Variants in PLBD1 observed in about 807,000 individuals in gnomAD.
The protein encoded by PLBD1 is lysosomal leucine aminopeptidase.
PLBD1 carries 60 observed loss-of-function variants against 63.0 expected under a neutral mutation model. The observed-to-expected ratio is 0.95, with a 90% CI of 0.77 to 1.18. The LOEUF (loss-of-function observed/expected upper bound fraction) is 1.18, where lower values mean the gene tolerates loss of function less well. PLBD1 is among the 50% of genes most tolerant of loss of function. The pLI is 0.00. For missense variants in PLBD1, 598 were observed against 677.9 expected (o/e 0.88, Z 1.31); for synonymous variants, 262 against 248.0 (o/e 1.06, Z -0.53).
rs147309855 is a variant in PLBD1 at position 14,510,871 on chromosome 12, A to G, written c.1186+389T>C. On this transcript the variant is annotated intron_variant, in intron 8 of 10. Transcript: ENST00000240617. ...GCTGCTTTGAGTGCTTTGCTTCCCT[A>G]CTAGACTCCTGAGTCCTTCCAGGTC... Among the ~76,000 whole-genome samples the G allele has an allele frequency of 9.7e-3, 1,476 of 152,180 alleles. 9 individuals are homozygous for G. The highest frequency in any genetic ancestry group is 0.015 in the Non-Finnish European group (1,041 of 67,998).
In PLBD1 at chr12:14,506,184, G is replaced by A. The variant is rs1945253883; in HGVS notation, c.1457C>T (p.Pro486Leu). The change falls in exon 10 of 11, where the codon CCT (proline) becomes CTT (leucine). Residue 486 changes from proline to leucine, a missense_variant. By Grantham distance (98) the Pro-to-Leu change is moderately conservative. Transcript: ENST00000240617. ...REDLNSPNPS[P>L]GGCYDTKVAD... is the part of the protein sequence containing the mutation. ...TACCTTTGTGTCATAACAACCTCCA[G>A]GACTTGGGTTAGGTGAGTTCAGGTC... The A allele has an allele frequency of 6.2e-7, 1 of 1,610,580 alleles. No individual in the cohort carries two copies. Among genetic ancestry groups the A allele is most frequent in the Non-Finnish European group, 8.5e-7 (1 of 1,177,620 alleles).
intron 4 of PLBD1, among the ~76,000 whole-genome samples, chr12:14,540,053 T>TAC (rs1295213414): frequency 1.3e-4 from 11 of 87,352 alleles, no homozygotes; most frequent in African/African-American, 4.2e-4. Context: ...TATATATATA[T>TAC]ACACACACAC....
intron 1 of PLBD1, among the ~76,000 whole-genome samples, chr12:14,559,143 G>GA: frequency 6.6e-6 from 1 of 152,166 alleles, no homozygotes; most frequent in East Asian, 1.9e-4. Flanking sequence ...TGGCTGGTAT[G>GA]AAAAATGTAA....
At chr12:14,547,275 C>T (rs1945623519) in intron 2 of PLBD1, among the ~76,000 whole-genome samples, 3 of 151,356 alleles carry the variant, frequency 2.0e-5, no homozygotes, top group Admixed American at 1.3e-4. Context: ...GAAACCTCCA[C>T]CTTGAGATGA....
intron 8 of PLBD1, 105 bp downstream of exon 8, chr12:14,511,155 A>T: frequency 1.3e-6 from 1 of 773,828 alleles, no homozygotes; most frequent in East Asian, 3.2e-5. Context: ...TGTCTTCCCC[A>T]CCATACCCTC....
In PLBD1 at chr12:14,540,109, TTTATATA is replaced by T. The variant is rs1565577664; in HGVS notation, c.558+648_558+654del. The stretch of plus-strand genomic sequence containing the variant: ...AGAGAGTTATATAATATAAATATTA[TTTATATA>T]TATATATATATATATACTGGCAAAA... On this transcript the variant is annotated intron_variant, in intron 4 of 10. Transcript: ENST00000240617. 8.2e-4 allele frequency among the ~76,000 whole-genome samples: 29 copies of T among 35,380 alleles called. 1 individual carries two copies. Among genetic ancestry groups the T allele is most frequent in the East Asian group, 2.5e-3 (2 of 802 alleles). 23.2% of individuals were successfully genotyped at this position (35,380 alleles called of 152,430 possible).
intron 6 of PLBD1, among the ~76,000 whole-genome samples, chr12:14,517,319 T>A (rs999686401): frequency 6.6e-6 from 1 of 152,056 alleles, no homozygotes; most frequent in Non-Finnish European, 1.5e-5. Context: ...CTAAATTTTT[T>A]AATTTTTTGT....
At position 14,535,348 on chromosome 12, in the gene PLBD1, C is replaced by T. The variant is rs116629065; in HGVS notation, c.844+311G>A. Among the ~76,000 whole-genome samples, 1,065 of 152,228 alleles carry T rather than the reference C, an allele frequency of 7.0e-3. 13 individuals carry two copies. The highest frequency in any genetic ancestry group is 0.024 in the African/African-American group (993 of 41,544). Reference sequence around the variant, plus strand: ...TCAGCCATGTCTTCATTGCTTCTGCCGCAGAGCCTAGCAAAGAGTCTTGTA... The same window carrying T: ...TCAGCCATGTCTTCATTGCTTCTGCTGCAGAGCCTAGCAAAGAGTCTTGTA... On this transcript the variant is annotated intron_variant, in intron 6 of 10. Transcript: ENST00000240617.
At position 14,567,722 on chromosome 12, in the gene PLBD1, G is replaced by A; in HGVS notation, c.-26C>T. Reference sequence around the variant, plus strand: ...CGCTCCACGGCCGCGACCTTCCTCTGCGGGATCAGGCGGCCGCGGTGGCCC... The same window carrying A: ...CGCTCCACGGCCGCGACCTTCCTCTACGGGATCAGGCGGCCGCGGTGGCCC... On this transcript the variant is annotated 5_prime_UTR_variant, in exon 1 of 11. Transcript: ENST00000240617. The A allele has an allele frequency of 7.2e-7, 1 of 1,393,586 alleles. No individual in the cohort carries two copies. Among genetic ancestry groups the A allele is most frequent in the African/African-American group, 1.5e-5 (1 of 65,586 alleles). 86.3% of individuals were successfully genotyped at this position (1,393,586 alleles called of 1,614,324 possible).
At chr12:14,550,134 G>C (rs1308239825) in intron 2 of PLBD1, among the ~76,000 whole-genome samples, 2 of 152,144 alleles carry the variant, frequency 1.3e-5, no homozygotes, top group African/African-American at 4.8e-5. Flanking sequence ...CTTCCACAAA[G>C]CCTTCTTTGA....
chr12:14,505,654 A>G (rs187601371), intron 10 of PLBD1, among the ~76,000 whole-genome samples: 1 of 152,330 alleles, frequency 6.6e-6, no homozygotes, highest in Admixed American at 6.5e-5. Context: ...AGCACTTATC[A>G]ATTCTAACAT....
At chr12:14,541,927 C>T (rs1209629112) in intron 3 of PLBD1, among the ~76,000 whole-genome samples, 5 of 152,158 alleles carry the variant, frequency 3.3e-5, no homozygotes, top group Admixed American at 2.6e-4. Flanking sequence ...GACCCAGGGA[C>T]TTAACACTGG....
intron 4 of PLBD1, among the ~76,000 whole-genome samples, chr12:14,537,667 CA>C (rs1274373281): frequency 6.6e-6 from 1 of 152,160 alleles, no homozygotes; most frequent in African/African-American, 2.4e-5. Context: ...TCTGCTGGAG[CA>C]GGTCCGGGTT....
At chr12:14,532,454 G>T (rs916102459) in intron 6 of PLBD1, among the ~76,000 whole-genome samples, 2 of 152,164 alleles carry the variant, frequency 1.3e-5, no homozygotes, top group Admixed American at 1.3e-4. Flanking sequence ...GGTAAGAGGT[G>T]GTTTTCAGTA....
At chr12:14,512,023 G>C (rs1177450706) in intron 6 of PLBD1, among the ~76,000 whole-genome samples, 1 of 151,806 alleles carries the variant, frequency 6.6e-6, no homozygotes, top group Non-Finnish European at 1.5e-5. Context: ...TGTAGATCCC[G>C]ACTTGCTAGG....
chr12:14,510,414 T>C (rs527339804), intron 8 of PLBD1, among the ~76,000 whole-genome samples: 2 of 152,118 alleles, frequency 1.3e-5, no homozygotes, highest in East Asian at 3.8e-4. Flanking sequence ...AAAATTAAAA[T>C]TAAAAACCAC....
intron 6 of PLBD1, among the ~76,000 whole-genome samples, chr12:14,517,274 T>C (rs1945344049): frequency 6.6e-6 from 1 of 152,080 alleles, no homozygotes; most frequent in Admixed American, 6.5e-5. Context: ...GCCTCCTGAG[T>C]AGCTGGGGCT....
At chr12:14,516,929 C>T (rs974466131) in intron 6 of PLBD1, among the ~76,000 whole-genome samples, 1 of 152,064 alleles carries the variant, frequency 6.6e-6, no homozygotes, top group African/African-American at 2.4e-5. Context: ...GTCCCAGCTA[C>T]TTGGGAGGCT....
At chr12:14,537,123 G>A (rs1476420009) in intron 4 of PLBD1, among the ~76,000 whole-genome samples, 1 of 150,734 alleles carries the variant, frequency 6.6e-6, no homozygotes, top group Non-Finnish European at 1.5e-5. Context: ...ATTTATTTTC[G>A]AAGAGTCTCT....
Sources: gnomAD v4.1 joint callset for allele counts (sites outside exome capture counted in the v4.1 genomes callset) on GRCh38, gnomAD v4.1.1 for gene constraint, MANE v1.5 for transcripts, NCBI Gene and HGNC (gene_info 2026-07-23, HGNC 2026-07-21) for gene names.